The following NAA40 variants were observed in gnomAD, a reference collection of about 807,000 sequenced individuals.
The protein encoded by NAA40 is N-alpha-acetyltransferase 40, NatD catalytic subunit.
Under a neutral mutation model 36.6 loss-of-function variants are expected in NAA40, and 26 were observed. That is an observed-to-expected ratio of 0.71 (90% CI 0.52 to 0.98). The LOEUF (loss-of-function observed/expected upper bound fraction) is 0.98. NAA40 is among the 50% of genes least tolerant of loss of function. NAA40 has a pLI of 0.00. For synonymous variants in NAA40, 129 were observed against 108.4 expected, an observed-to-expected ratio of 1.19 and a Z score of -1.18; for missense variants, 237 against 306.5, an observed-to-expected ratio of 0.77 and a Z score of 1.69.
intron 1 of NAA40, 169 bp downstream of exon 1, chr11:63,939,271 C>A: frequency 7.7e-7 from 1 of 1,297,798 alleles, no homozygotes. Flanking sequence ...CTACGCTAGG[C>A]CTAGCCCGGG....
Position 63,939,054 on chromosome 11 carries a change from C to A in NAA40, c.-43C>A, listed in dbSNP as rs767802389. 4.4e-6 allele frequency: 7 copies of A among 1,601,824 alleles called. No individual in the cohort carries two copies. Among genetic ancestry groups the A allele is most frequent in the East Asian group, 4.7e-5 (2 of 42,942 alleles). On this transcript the variant is annotated 5_prime_UTR_variant, in exon 1 of 8. Coordinates refer to ENST00000377793, the MANE Select transcript of NAA40 (RefSeq NM_024771.4). ...GCCACCGCCGTTGCCGCCTCCCTGC[C>A]GGCAAGTGTGTGAAGAAGAAGCTGA...
At chr11:63,952,980 A>G (rs1187106258) in intron 6 of NAA40, 141 bp downstream of exon 6, 5 of 619,992 alleles carry the variant, frequency 8.1e-6, no homozygotes, top group South Asian at 1.9e-5. Flanking sequence ...GAACCCTCTC[A>G]GTAAGATGCT....
intron 1 of NAA40, among the ~76,000 whole-genome samples, chr11:63,943,235 C>T (rs1942134698): frequency 6.6e-6 from 1 of 152,170 alleles, no homozygotes; most frequent in East Asian, 1.9e-4. Context: ...GACGCCAAAG[C>T]TCATGCTCTT....
chr11:63,939,864 T>A (rs1942078980), intron 1 of NAA40, among the ~76,000 whole-genome samples: 1 of 152,096 alleles, frequency 6.6e-6, no homozygotes, highest in Non-Finnish European at 1.5e-5. Flanking sequence ...GGATGGATAT[T>A]GACCACTTGT....
chr11:63,956,469 G>C lies in NAA40; in HGVS notation c.*1990G>C. ...TCTACGTTGTCTCTTTCCAGTCACTGGATACGTGGCACCAACTGGTCAATG... is the reference window on the plus strand; with the variant it reads ...TCTACGTTGTCTCTTTCCAGTCACTCGATACGTGGCACCAACTGGTCAATG... On this transcript the variant is annotated 3_prime_UTR_variant, in exon 8 of 8. Coordinates refer to ENST00000377793, the MANE Select transcript of NAA40 (RefSeq NM_024771.4). 1 of 152,502 alleles carries C rather than the reference G, an allele frequency of 6.6e-6. No homozygotes were observed. Among genetic ancestry groups the C allele is most frequent in the South Asian group, 2.1e-4 (1 of 4,830 alleles). The allele number at this position is 152,502 out of a possible 1,614,324, so 9.4% of individuals were successfully genotyped here. A position where few individuals can be genotyped will look rare whatever the true frequency, so the allele number is the denominator to read the frequency against.
At position 63,952,340 on chromosome 11, in the gene NAA40, T is replaced by G. The variant is rs1236763378; in HGVS notation, c.251+7T>G. ...AAACGAATATGCAAACCATGTAAGC[T>G]TGTCCCAACCAGGGGAGCCTAGTTC... On this transcript the variant is annotated splice_region_variant and intron_variant, in intron 4 of 7. Coordinates refer to ENST00000377793, the MANE Select transcript of NAA40 (RefSeq NM_024771.4). The G allele has an allele frequency of 1.2e-6, 2 of 1,613,568 alleles. No individual in the cohort carries two copies. The highest frequency in any genetic ancestry group is 1.3e-5 in the African/African-American group (1 of 74,910).
intron 1 of NAA40, among the ~76,000 whole-genome samples, chr11:63,943,245 T>G (rs142653571): frequency 7.4e-4 from 113 of 152,300 alleles, no homozygotes; most frequent in African/African-American, 2.7e-3. Context: ...CTCATGCTCT[T>G]CTGCCCCATG....
intron 3 of NAA40, among the ~76,000 whole-genome samples, chr11:63,951,977 G>C (rs772932679): frequency 6.6e-6 from 1 of 152,202 alleles, no homozygotes; most frequent in Non-Finnish European, 1.5e-5. Context: ...ACAAAGTGCC[G>C]AGGCGGATTA....
chr11:63,951,446 C>T (rs1300356595), intron 3 of NAA40, among the ~76,000 whole-genome samples: 1 of 152,108 alleles, frequency 6.6e-6, no homozygotes, highest in African/African-American at 2.4e-5. Flanking sequence ...CAGGTTCAAG[C>T]GATTCTCCTG....
chr11:63,944,772 G>A (rs556363220), intron 1 of NAA40, among the ~76,000 whole-genome samples: 8 of 151,962 alleles, frequency 5.3e-5, no homozygotes, highest in South Asian at 2.1e-4. Flanking sequence ...ACATGGTGGT[G>A]CGCTCCTGTA....
At chr11:63,948,788 G>A (rs1942228966) in intron 3 of NAA40, among the ~76,000 whole-genome samples, 1 of 152,068 alleles carries the variant, frequency 6.6e-6, no homozygotes, top group Non-Finnish European at 1.5e-5. Flanking sequence ...TCAAACTGCT[G>A]TCCTCAAGTG....
Position 63,954,264 on chromosome 11 carries a change from A to G in NAA40, c.573-74A>G, listed in dbSNP as rs973805423. The G allele has an allele frequency of 2.0e-6, 3 of 1,524,536 alleles. No homozygotes were observed. In the South Asian group the frequency reaches 3.9e-5, roughly 20 times the overall value. The allele number at this position is 1,524,536 out of a possible 1,614,324, so 94.4% of individuals were successfully genotyped here. A position where few individuals can be genotyped will look rare whatever the true frequency, so the allele number is the denominator to read the frequency against. ...TAAGGGTCTCATCAGTGTGGCTGGT[A>G]GAAGAGTTCTCGGGCCAGGGAGGAA... On this transcript the variant is annotated intron_variant, in intron 7 of 7. Coordinates refer to ENST00000377793, the MANE Select transcript of NAA40 (RefSeq NM_024771.4).
chr11:63,939,817 G>A (rs73494188), intron 1 of NAA40, among the ~76,000 whole-genome samples: 2,184 of 152,248 alleles, frequency 0.014, 52 homozygotes, highest in African/African-American at 0.048. Flanking sequence ...AGGTGTGCGG[G>A]GAAGATGCGG....
intron 6 of NAA40, among the ~76,000 whole-genome samples, chr11:63,953,236 C>T (rs557733087): frequency 4.6e-5 from 7 of 151,838 alleles, no homozygotes; most frequent in South Asian, 4.2e-4. Context: ...TTAGTAGAGA[C>T]GGGGTTTCTC....
chr11:63,940,374 A>T (rs1277726883), intron 1 of NAA40, among the ~76,000 whole-genome samples: 1 of 152,184 alleles, frequency 6.6e-6, no homozygotes, highest in Non-Finnish European at 1.5e-5. Context: ...TGGAATTTCC[A>T]TCACCTTAAG....
chr11:63,947,924 C>T (rs938858673), intron 3 of NAA40, among the ~76,000 whole-genome samples: 1 of 151,996 alleles, frequency 6.6e-6, no homozygotes, highest in Non-Finnish European at 1.5e-5. Context: ...GTTTCACCAT[C>T]TTGGCCAGGC....
chr11:63,950,539 T>G (rs1259901025), intron 3 of NAA40, among the ~76,000 whole-genome samples: 1 of 152,186 alleles, frequency 6.6e-6, no homozygotes, highest in Non-Finnish European at 1.5e-5. Flanking sequence ...CTTGGCTCAC[T>G]GCAACCTCTG....
chr11:63,953,057 T>TTTC (rs1442507749), intron 6 of NAA40, among the ~76,000 whole-genome samples: 2 of 149,576 alleles, frequency 1.3e-5, no homozygotes, highest in African/African-American at 4.9e-5. Flanking sequence ...TTTTTTTTTT[T>TTTC]TTTTTTTTGA....
intron 1 of NAA40, among the ~76,000 whole-genome samples, chr11:63,940,848 A>C (rs1424044650): frequency 6.6e-6 from 1 of 152,234 alleles, no homozygotes; most frequent in East Asian, 1.9e-4. Context: ...AAGTCTAGAG[A>C]CCTTAGGCAT....
Sources: allele counts gnomAD v4.1 joint callset (sites outside exome capture counted in the v4.1 genomes callset), GRCh38; gene constraint gnomAD v4.1.1; transcripts MANE v1.5; gene names NCBI Gene and HGNC (gene_info 2026-07-23, HGNC 2026-07-21).